The following RASAL2 variants were observed in gnomAD, a reference collection of about 807,000 sequenced individuals.
The protein encoded by RASAL2 is ras GTPase-activating protein nGAP.
Under a neutral mutation model 128.9 loss-of-function variants are expected in RASAL2, and 58 were observed. That is an observed-to-expected ratio of 0.45 (90% CI 0.36 to 0.56). RASAL2 has a LOEUF of 0.56. Among genes scored for constraint, RASAL2 ranks in the 20% least tolerant of loss-of-function variants. The pLI is 0.00. For missense variants in RASAL2, 1,360 were observed against 1,601.6 expected (o/e 0.85, Z 2.57); for synonymous variants, 561 against 580.8 (o/e 0.97, Z 0.49).
chr1:178,184,143 G>C, intron 1 of RASAL2, among the ~76,000 whole-genome samples: 1 of 152,110 alleles, frequency 6.6e-6, no homozygotes, highest in East Asian at 1.9e-4. Context: ...TTTTAAAATT[G>C]AGTTATCTGT....
rs67243509 is a variant in RASAL2, at chr1:178,311,253, AACACACACACACACAC to A, written c.457+11155_457+11170del. Among the ~76,000 whole-genome samples, 20 of 143,708 alleles carry A rather than the reference AACACACACACACACAC, an allele frequency of 1.4e-4. No individual in the cohort carries two copies. In the East Asian group the frequency reaches 3.4e-3, roughly 25 times the overall value. The allele number at this position is 143,708 out of a possible 152,430, so 94.3% of individuals were successfully genotyped here. On this transcript the variant is annotated intron_variant, in intron 3 of 17. Transcript: ENST00000367649. ...AAGAAAACAGCCATACACACACACA[AACACACACACACACAC>A]ACACACACACACACACACATTGAAA...
At chr1:178,472,414 CTGTT>C (rs1216798257) in intron 17 of RASAL2, among the ~76,000 whole-genome samples, 5 of 152,122 alleles carry the variant, frequency 3.3e-5, no homozygotes, top group Non-Finnish European at 7.4e-5. Flanking sequence ...CCTGTGTTCT[CTGTT>C]TGTTCTCATG....
chr1:178,126,543 A>T (rs1340298308), intron 1 of RASAL2, among the ~76,000 whole-genome samples: 1 of 152,210 alleles, frequency 6.6e-6, no homozygotes, highest in Non-Finnish European at 1.5e-5. Flanking sequence ...ATTACCTTTT[A>T]AAAAACACTT....
At chr1:178,464,519 A>G in intron 15 of RASAL2, 107 bp downstream of exon 15, 2 of 1,296,548 alleles carry the variant, frequency 1.5e-6, no homozygotes, top group Non-Finnish European at 1.1e-6. Flanking sequence ...CTTCACCTCT[A>G]CCCCTTATGT....
rs376239673 is a variant in RASAL2 at position 178,262,254 on chromosome 1, G to T, written c.203-21310G>T. On this transcript the variant is annotated intron_variant, in intron 1 of 17. Transcript: ENST00000367649. ...GCTCTTGGGCTTTGTATAAATGCAGGGTATTTAAAGTTCCCAGTATCCTTG... is the reference window on the plus strand; with the variant it reads ...GCTCTTGGGCTTTGTATAAATGCAGTGTATTTAAAGTTCCCAGTATCCTTG... 5.3e-5 allele frequency among the ~76,000 whole-genome samples: 8 copies of T among 152,166 alleles called. No individual in the cohort carries two copies. In the East Asian group the frequency reaches 1.2e-3, roughly 22 times the overall value.
At chr1:178,223,060 G>T (rs1164865037) in intron 1 of RASAL2, among the ~76,000 whole-genome samples, 3 of 151,980 alleles carry the variant, frequency 2.0e-5, no homozygotes, top group Non-Finnish European at 4.4e-5. Context: ...ACTCAAATAG[G>T]TGCTTACTGA....
intron 1 of RASAL2, among the ~76,000 whole-genome samples, chr1:178,162,203 G>A (rs1207884867): frequency 6.8e-6 from 1 of 147,006 alleles, no homozygotes; most frequent in Non-Finnish European, 1.5e-5. Context: ...CTGATCTCGT[G>A]ATCTGCCCGC....
At chr1:178,294,864 G>A (rs903119716) in intron 2 of RASAL2, among the ~76,000 whole-genome samples, 1 of 152,202 alleles carries the variant, frequency 6.6e-6, no homozygotes, top group Non-Finnish European at 1.5e-5. Flanking sequence ...ATACCAGAGA[G>A]TCTTTAGCTG....
Position 178,283,687 on chromosome 1 carries a change from A to G in RASAL2, c.326A>G (p.Lys109Arg). Residue 109 changes from lysine to arginine, a missense_variant, in exon 2 of 18, where the codon AAG becomes AGG. Physicochemically the swap from Lys to Arg is conservative, Grantham distance 26. Transcript: ENST00000367649. ...DSQLVLLNKEKEIPVEGGQEQ... is the reference protein window; with the variant it reads ...DSQLVLLNKEREIPVEGGQEQ... ...CAGTTGGTATTGCTCAACAAGGAGAAGGAGGTGAGATGGATATTATTCAGG... is the reference window on the plus strand; with the variant it reads ...CAGTTGGTATTGCTCAACAAGGAGAGGGAGGTGAGATGGATATTATTCAGG... 1.2e-6 allele frequency: 2 copies of G among 1,613,676 alleles called. No individual in the cohort carries two copies. The highest frequency in any genetic ancestry group is 2.7e-5 in the African/African-American group (2 of 74,978).
At chr1:178,352,970 G>T (rs1557923307) in intron 3 of RASAL2, among the ~76,000 whole-genome samples, 1 of 152,234 alleles carries the variant, frequency 6.6e-6, no homozygotes, top group South Asian at 2.1e-4. Flanking sequence ...CCTGGGCCTG[G>T]CCCACAGAAC....
At chr1:178,356,791 T>C (rs1175647682) in intron 3 of RASAL2, among the ~76,000 whole-genome samples, 1 of 152,224 alleles carries the variant, frequency 6.6e-6, no homozygotes, top group Non-Finnish European at 1.5e-5. Flanking sequence ...TAATTCTTGC[T>C]ATGGCGGTAT....
intron 1 of RASAL2, among the ~76,000 whole-genome samples, chr1:178,170,654 A>G (rs577217705): frequency 2.0e-5 from 3 of 151,372 alleles, no homozygotes; most frequent in Non-Finnish European, 3.0e-5. Flanking sequence ...TCTGAAGGAC[A>G]TTCTATTTAT....
At chr1:178,126,794 C>A (rs1659918070) in intron 1 of RASAL2, among the ~76,000 whole-genome samples, 1 of 152,086 alleles carries the variant, frequency 6.6e-6, no homozygotes, top group South Asian at 2.1e-4. Context: ...CTGTAAATGA[C>A]TTTTATTAAC....
chr1:178,456,472 A>G, intron 12 of RASAL2: 1 of 580,610 alleles, frequency 1.7e-6, no homozygotes, highest in Non-Finnish European at 3.1e-6. Flanking sequence ...TACTTGCATA[A>G]TCCTGATTTC....
intron 5 of RASAL2, among the ~76,000 whole-genome samples, chr1:178,432,084 AT>A (rs1237439681): frequency 1.3e-5 from 2 of 151,424 alleles, no homozygotes; most frequent in Non-Finnish European, 2.9e-5. Context: ...AACTCCTGGA[AT>A]TTTTTACCAA....
intron 1 of RASAL2, among the ~76,000 whole-genome samples, chr1:178,171,138 C>G (rs1362702497): frequency 6.6e-6 from 1 of 151,854 alleles, no homozygotes; most frequent in Non-Finnish European, 1.5e-5. Context: ...GTATTTTTAT[C>G]CGTATTATGT....
intron 1 of RASAL2, 80 bp downstream of exon 1, chr1:178,094,774 C>T (rs1658609801): frequency 6.6e-7 from 1 of 1,525,810 alleles, no homozygotes. Flanking sequence ...GTCACAGGCT[C>T]ATTCCCAGTC....
At chr1:178,113,369 T>C (rs1348528930) in intron 1 of RASAL2, among the ~76,000 whole-genome samples, 1 of 152,078 alleles carries the variant, frequency 6.6e-6, no homozygotes, top group African/African-American at 2.4e-5. Flanking sequence ...AGCTCAGTTG[T>C]GTGATCATTA....
At chr1:178,135,528 A>G (rs1450130640) in intron 1 of RASAL2, among the ~76,000 whole-genome samples, 1 of 149,842 alleles carries the variant, frequency 6.7e-6, no homozygotes, top group Non-Finnish European at 1.5e-5. Context: ...CCATTTCCGA[A>G]TACGTAGTAG....
Sources: gnomAD v4.1 joint callset for allele counts (sites outside exome capture counted in the v4.1 genomes callset) on GRCh38, gnomAD v4.1.1 for gene constraint, MANE v1.5 for transcripts, NCBI Gene and HGNC (gene_info 2026-07-23, HGNC 2026-07-21) for gene names.